Variants in OTOGL observed in about 807,000 individuals in gnomAD.
OTOGL encodes otogelin like.
Under a neutral mutation model 318.5 loss-of-function variants are expected in OTOGL, and 285 were observed. The ratio of observed to expected loss-of-function variants is 0.89; its 90% CI spans 0.81 to 0.99. The LOEUF is 0.99. OTOGL is among the 50% of genes least tolerant of loss of function. OTOGL has a pLI of 0.00. For synonymous variants in OTOGL, 987 were observed against 936.5 expected (o/e 1.05, Z -0.99); for missense variants, 2,899 against 2,845.6 (o/e 1.02, Z -0.43).
chr12:80,188,153 G>A (rs367897636), intron 1 of OTOGL, among the ~76,000 whole-genome samples: 41 of 152,266 alleles, frequency 2.7e-4, no homozygotes, highest in African/African-American at 8.7e-4. Context: ...TATTTGTCAT[G>A]CACTTGGATA....
chr12:80,358,351 T>C lies in OTOGL; in HGVS notation c.6121+2T>C. 1 of 1,561,934 alleles carries C rather than the reference T, an allele frequency of 6.4e-7. No homozygotes were observed. Among genetic ancestry groups the C allele is most frequent in the South Asian group, 1.1e-5 (1 of 88,248 alleles). ...TCTGTTGTCCTCAGTATTACTGTGGTAAGTGTATATTAACTATTCTAAAAT... is the reference window on the plus strand; with the variant it reads ...TCTGTTGTCCTCAGTATTACTGTGGCAAGTGTATATTAACTATTCTAAAAT... On this transcript the variant is annotated splice_donor_variant, in intron 50 of 58. Transcript: ENST00000547103. LOFTEE classifies it high-confidence loss of function.
At chr12:80,112,553 T>C (rs1869904648) in intron 1 of OTOGL, among the ~76,000 whole-genome samples, 1 of 152,188 alleles carries the variant, frequency 6.6e-6, no homozygotes. Flanking sequence ...CGTTTATTGA[T>C]TTGTGCATGT....
chr12:80,201,639 T>G (rs1432683674), intron 1 of OTOGL, among the ~76,000 whole-genome samples: 1 of 152,110 alleles, frequency 6.6e-6, no homozygotes, highest in Non-Finnish European at 1.5e-5. Context: ...CTCATTCTCT[T>G]GGACTAGTGG....
intron 29 of OTOGL, among the ~76,000 whole-genome samples, chr12:80,309,997 A>C (rs1191952596): frequency 6.6e-6 from 1 of 152,226 alleles, no homozygotes; most frequent in Non-Finnish European, 1.5e-5. Context: ...AACAGCAGCC[A>C]ATGTAGCAAG....
At chr12:80,130,613 G>T (rs560669397) in intron 1 of OTOGL, among the ~76,000 whole-genome samples, 2 of 152,286 alleles carry the variant, frequency 1.3e-5, no homozygotes, top group Admixed American at 1.3e-4. Flanking sequence ...GGATGAGAAG[G>T]GAGTGGCGAA....
intron 11 of OTOGL, 34 bp from the exon 12 acceptor site, chr12:80,251,658 CT>C (rs1881557278): frequency 2.0e-6 from 3 of 1,490,074 alleles, no homozygotes; most frequent in Non-Finnish European, 2.8e-6. Context: ...TCAATATTTC[CT>C]ATGTGATTCT....
chr12:80,275,124 A>C (rs903075265), intron 24 of OTOGL, among the ~76,000 whole-genome samples: 1 of 152,022 alleles, frequency 6.6e-6, no homozygotes, highest in Non-Finnish European at 1.5e-5. Context: ...TCACAGGGCT[A>C]TACCTGCCAT....
chr12:80,155,977 T>G (rs1291758204), intron 1 of OTOGL, among the ~76,000 whole-genome samples: 1 of 152,278 alleles, frequency 6.6e-6, no homozygotes, highest in Non-Finnish European at 1.5e-5. Flanking sequence ...TGAATAGTAC[T>G]CCATTATGTA....
chr12:80,313,762 A>G (rs764247483), intron 31 of OTOGL, 130 bp downstream of exon 31: 17 of 722,970 alleles, frequency 2.4e-5, no homozygotes, highest in Admixed American at 9.9e-5. Context: ...ACTAAATTTT[A>G]TATTCCTTTG....
chr12:80,284,700 T>C (rs1884483846), intron 26 of OTOGL, among the ~76,000 whole-genome samples: 1 of 152,224 alleles, frequency 6.6e-6, no homozygotes, highest in Admixed American at 6.5e-5. Context: ...TCTGTTCATA[T>C]CCTTTGGCCA....
chr12:80,146,070 C>G (rs1401118796), intron 1 of OTOGL, among the ~76,000 whole-genome samples: 1 of 150,752 alleles, frequency 6.6e-6, no homozygotes, highest in East Asian at 1.9e-4. Context: ...GCCTAATTGC[C>G]CTGGCCAGAA....
chr12:80,174,135 C>T (rs1874380479), intron 1 of OTOGL, among the ~76,000 whole-genome samples: 1 of 152,186 alleles, frequency 6.6e-6, no homozygotes, highest in African/African-American at 2.4e-5. Context: ...GATTTGGAGT[C>T]TCTAGCTGAT....
chr12:80,102,955 G>A (rs986176880), intron 1 of OTOGL: 3 of 861,740 alleles, frequency 3.5e-6, no homozygotes, highest in East Asian at 4.8e-5. Context: ...TTTCCTACTT[G>A]GCGAGATTTG....
chr12:80,106,067 G>A (rs1675678294), intron 1 of OTOGL, among the ~76,000 whole-genome samples: 1 of 152,104 alleles, frequency 6.6e-6, no homozygotes, highest in Non-Finnish European at 1.5e-5. Flanking sequence ...GGATGAGTGG[G>A]CACAAATCAC....
intron 42 of OTOGL, among the ~76,000 whole-genome samples, chr12:80,338,275 G>C (rs1393438155): frequency 6.6e-6 from 1 of 152,004 alleles, no homozygotes; most frequent in African/African-American, 2.4e-5. Flanking sequence ...GGATCAAACA[G>C]GTCTTTTCTG....
intron 1 of OTOGL, among the ~76,000 whole-genome samples, chr12:80,154,220 A>C (rs1298499896): frequency 6.6e-6 from 1 of 152,104 alleles, no homozygotes; most frequent in Admixed American, 6.6e-5. Flanking sequence ...GGGGCAGGAG[A>C]ATCTTTTGAA....
At position 80,358,727 on chromosome 12, in the gene OTOGL, C is replaced by G. The variant is rs1399837334; in HGVS notation, c.6178C>G (p.Leu2060Val). 3 of 1,613,108 alleles carry G rather than the reference C, an allele frequency of 1.9e-6. No individual in the cohort carries two copies. Among genetic ancestry groups the G allele is most frequent in the Non-Finnish European group, 2.5e-6 (3 of 1,179,464 alleles). The change falls in exon 51 of 59, where the codon CTT becomes GTT. Residue 2060 changes from leucine (L) to valine (V), a missense_variant. By Grantham distance (32) the Leu-to-Val change is conservative (BLOSUM62 1). Around this residue, in one of 3 missense-constraint regions of OTOGL, gnomAD observed 2,607 missense variants for 2,524.9 expected, o/e 1.03. Transcript: ENST00000547103. ...PLLNCAEDMN[L>V]VKENVSGQCC... ...ACTCAACTGTGCAGAAGATATGAAT[C>G]TTGTGAAAGAAAATGTATCTGGTCA...
chr12:80,237,698 G>T (rs2137427277), intron 9 of OTOGL, among the ~76,000 whole-genome samples: 1 of 152,274 alleles, frequency 6.6e-6, no homozygotes, highest in East Asian at 1.9e-4. Context: ...CTAGGCTATG[G>T]TAAAGTTTAG....
intron 1 of OTOGL, among the ~76,000 whole-genome samples, chr12:80,161,196 A>G (rs761599837): frequency 2.4e-4 from 36 of 152,078 alleles, no homozygotes; most frequent in Non-Finnish European, 3.8e-4. Flanking sequence ...TTAGTCATGT[A>G]ACCAAATGCC....
Sources: gnomAD v4.1 joint callset for allele counts (sites outside exome capture counted in the v4.1 genomes callset) on GRCh38, gnomAD v4.1.1 for gene constraint, gnomAD v4.1.1 regional missense constraint, MANE v1.5 for transcripts, NCBI Gene and HGNC (gene_info 2026-07-23, HGNC 2026-07-21) for gene names.